TMEM101: variants seen among roughly 807,000 people sequenced by gnomAD.
TMEM101 encodes putative NF-kappa-B-activating protein 130.
In TMEM101, 14 loss-of-function variants were observed where a neutral mutation model predicts 26.0. The ratio of observed to expected loss-of-function variants is 0.54; its 90% CI spans 0.36 to 0.84. The LOEUF is 0.84. Among genes scored for constraint, TMEM101 ranks in the 40% least tolerant of loss-of-function variants. The pLI is 0.01. For missense variants in TMEM101, 292 were observed against 345.1 expected (o/e 0.85, Z 1.22); for synonymous variants, 152 against 145.1 (o/e 1.05, Z -0.34).
intron 2 of TMEM101, among the ~76,000 whole-genome samples, chr17:44,013,845 A>G (rs228779): frequency 0.78 from 118,567 of 152,084 alleles, 47,174 homozygotes; most frequent in South Asian, 0.94. Context: ...AGCTGTTCAC[A>G]CATCTTCCTC....
intron 1 of TMEM101, chr17:44,023,028 T>TA: frequency 3.2e-6 from 1 of 312,830 alleles, no homozygotes; most frequent in Non-Finnish European, 6.1e-6. Flanking sequence ...GATATATATA[T>TA]TTACACTCAC....
chr17:44,019,078 CGAGT>C (rs1182065557), upstream of TMEM101, among the ~76,000 whole-genome samples: 5 of 152,014 alleles, frequency 3.3e-5, no homozygotes, highest in African/African-American at 1.2e-4. Flanking sequence ...GTGCGAGAGA[CGAGT>C]GAGGGGAGAA....
rs1474275438 is a variant in TMEM101, at chr17:44,013,301, CAG to C, written c.319-148_319-147del. 4 of 715,104 alleles carry C rather than the reference CAG, an allele frequency of 5.6e-6. No homozygotes were observed. The Admixed American group carries it at 1.4e-4, about 25-fold the overall frequency. 44.3% of individuals were successfully genotyped at this position (715,104 alleles called of 1,614,324 possible). A position where few individuals can be genotyped will look rare whatever the true frequency, so the allele number is the denominator to read the frequency against. On this transcript the variant is annotated intron_variant, in intron 2 of 3. Coordinates refer to ENST00000206380, the MANE Select transcript of TMEM101 (RefSeq NM_032376.4). ...TTCCAAGCTTGGTGGGCAGGTGCAA[CAG>C]AGACAGATCATTCTTTTTATATATA...
chr17:44,019,277 G>C, upstream of TMEM101: 2 of 407,626 alleles, frequency 4.9e-6, no homozygotes, highest in South Asian at 3.6e-5. Context: ...GGAAGCAACA[G>C]CAACAGCCTG....
At chr17:44,013,227 A>ATTCTGCG in intron 2 of TMEM101, 72 bp from the exon 3 acceptor site, 3 of 1,388,642 alleles carry the variant, frequency 2.2e-6, no homozygotes, top group South Asian at 1.7e-5. Flanking sequence ...CAGAGTGTAG[A>ATTCTGCG]ACCACCCCTC....
chr17:44,021,931 G>T (rs1448632251), intron 1 of TMEM101, among the ~76,000 whole-genome samples: 1 of 152,204 alleles, frequency 6.6e-6, no homozygotes, highest in Non-Finnish European at 1.5e-5. Context: ...CAATTAGCAT[G>T]TTGATTTAGG....
rs1597868840 is a variant in TMEM101, at chr17:44,011,844, T to C, written c.*84A>G. 8.0e-6 allele frequency: 11 copies of C among 1,380,368 alleles called. No individual in the cohort carries two copies. The East Asian group carries it at 1.2e-4, about 14-fold the overall frequency. The allele number at this position is 1,380,368 out of a possible 1,614,324, so 85.5% of individuals were successfully genotyped here. Reference sequence around the variant, plus strand: ...AAACAAACAGACCAAAAAGCATAAATAAACAGCAGCTGGGCCAGCAAGGAG... The same window carrying C: ...AAACAAACAGACCAAAAAGCATAAACAAACAGCAGCTGGGCCAGCAAGGAG... On this transcript the variant is annotated 3_prime_UTR_variant, in exon 4 of 4. Transcript: ENST00000206380.
upstream of TMEM101, among the ~76,000 whole-genome samples, chr17:44,018,189 G>A (rs1423699908): frequency 1.3e-5 from 2 of 152,174 alleles, no homozygotes; most frequent in African/African-American, 4.8e-5. Context: ...TGAGAAGCCA[G>A]GCATGGTGGC....
At chr17:44,013,256 T>C in intron 2 of TMEM101, 101 bp from the exon 3 acceptor site, 1 of 1,188,164 alleles carries the variant, frequency 8.4e-7, no homozygotes, top group Non-Finnish European at 1.1e-6. Context: ...TCCCATTCCA[T>C]CTGATGAACC....
intron 2 of TMEM101, among the ~76,000 whole-genome samples, chr17:44,013,385 C>T (rs1196016669): frequency 2.0e-5 from 3 of 152,138 alleles, no homozygotes; most frequent in African/African-American, 7.2e-5. Context: ...TCTGGCCAGG[C>T]GCAGTGGCTC....
upstream of TMEM101, among the ~76,000 whole-genome samples, chr17:44,016,669 C>T (rs9904314): frequency 0.14 from 21,432 of 152,202 alleles, 2,859 homozygotes; most frequent in East Asian, 0.73. Context: ...CTGTGGCTTG[C>T]TGACACTGCC....
At chr17:44,019,841 C>T (rs1252498654), upstream of TMEM101, among the ~76,000 whole-genome samples, 1 of 152,204 alleles carries the variant, frequency 6.6e-6, no homozygotes, top group African/African-American at 2.4e-5. Context: ...CCACACCCCT[C>T]ATGGCTTTGC....
At chr17:44,016,144 C>T (rs111431185), upstream of TMEM101, among the ~76,000 whole-genome samples, 5 of 147,114 alleles carry the variant, frequency 3.4e-5, no homozygotes, top group South Asian at 6.9e-4. Context: ...CACACACACA[C>T]ATATATATAT....
In TMEM101 at chr17:44,014,315, C is replaced by T. The variant is rs1035726221; in HGVS notation, c.318+42G>A. 4.6e-6 allele frequency: 7 copies of T among 1,529,670 alleles called. No homozygotes were observed. In the African/African-American group the frequency reaches 6.9e-5, roughly 15 times the overall value. 94.8% of individuals were successfully genotyped at this position (1,529,670 alleles called of 1,614,324 possible). A position where few individuals can be genotyped will look rare whatever the true frequency, so the allele number is the denominator to read the frequency against. ...CCCTGGGCATTGGCCTCTGATTCCCCGTCACCCAGAGGGAAGACCCTTTTG... is the reference window on the plus strand; with the variant it reads ...CCCTGGGCATTGGCCTCTGATTCCCTGTCACCCAGAGGGAAGACCCTTTTG... On this transcript the variant is annotated intron_variant, in intron 2 of 3. Coordinates refer to ENST00000206380, the MANE Select transcript of TMEM101 (RefSeq NM_032376.4).
At position 44,011,570 on chromosome 17, in the gene TMEM101, C is replaced by T. The variant is rs1368311377; in HGVS notation, c.*358G>A. ...AAGAGGAATTTTTCACATTTGCTCA[C>T]TTCCAATCTCCATCTTCCTTCCTCT... On this transcript the variant is annotated 3_prime_UTR_variant, in exon 4 of 4. Coordinates refer to ENST00000206380, the MANE Select transcript of TMEM101 (RefSeq NM_032376.4). 3.5e-6 allele frequency: 1 copy of T among 286,502 alleles called. No homozygotes were observed. Among genetic ancestry groups the T allele is most frequent in the Non-Finnish European group, 6.6e-6 (1 of 150,700 alleles). The allele number at this position is 286,502 out of a possible 1,614,324, so 17.7% of individuals were successfully genotyped here. A position where few individuals can be genotyped will look rare whatever the true frequency, so the allele number is the denominator to read the frequency against.
At chr17:44,023,027 A>G (rs1377071793) in intron 1 of TMEM101, 2 of 311,888 alleles carry the variant, frequency 6.4e-6, no homozygotes, top group Non-Finnish European at 1.2e-5. Flanking sequence ...AGATATATAT[A>G]TTTACACTCA....
At chr17:44,012,904 G>A (rs1186849796) in intron 3 of TMEM101, 105 bp downstream of exon 3, 4 of 1,285,300 alleles carry the variant, frequency 3.1e-6, no homozygotes, top group Non-Finnish European at 4.1e-6. Flanking sequence ...ATCAGGAACT[G>A]CACTCAGGGC....
In TMEM101 at chr17:44,020,585, G is replaced by A. The variant is rs529191299; in HGVS notation, c.-210+737C>T. ...AAAATACAAAAAATTAGCCAGGCGT[G>A]GCGACATGCACCTATAATCCCAGCT... On this transcript the variant is annotated intron_variant, in intron 2 of 4. Transcript: ENST00000585950. Among the ~76,000 whole-genome samples the A allele has an allele frequency of 2.0e-3, 304 of 152,266 alleles. 1 individual carries two copies. The highest frequency in any genetic ancestry group is 6.9e-3 in the African/African-American group (287 of 41,538).
intron 1 of TMEM101, among the ~76,000 whole-genome samples, chr17:44,022,366 G>C (rs1206995130): frequency 6.6e-6 from 1 of 152,144 alleles, no homozygotes; most frequent in Non-Finnish European, 1.5e-5. Flanking sequence ...TCTACTTCCA[G>C]TACACTGACT....
Sources: gnomAD v4.1 joint callset for allele counts (sites outside exome capture counted in the v4.1 genomes callset) on GRCh38, gnomAD v4.1.1 for gene constraint, MANE v1.5 for transcripts, NCBI Gene and HGNC (gene_info 2026-07-23, HGNC 2026-07-21) for gene names.